The following STAR variants were observed in gnomAD, a reference collection of about 807,000 sequenced individuals.
The protein encoded by STAR is steroidogenic acute regulatory protein.
In STAR, 32 loss-of-function variants were observed where a neutral mutation model predicts 32.3. The observed-to-expected ratio is 0.99, with a 90% CI of 0.75 to 1.33. The LOEUF is 1.33. Among genes scored for constraint, STAR ranks in the 40% most tolerant of loss-of-function variants. The probability of loss-of-function intolerance (pLI) is 0.00; values close to 1 mark genes in which losing one functional copy is unlikely to be tolerated. For synonymous variants in STAR, 134 were observed against 140.5 expected, an observed-to-expected ratio of 0.95 and a Z score of 0.33; for missense variants, 375 against 379.0, an observed-to-expected ratio of 0.99 and a Z score of 0.09.
chr8:38,150,543 C>T (rs968625659), intron 1 of STAR, among the ~76,000 whole-genome samples: 2 of 151,846 alleles, frequency 1.3e-5, no homozygotes, highest in Non-Finnish European at 2.9e-5. Context: ...GATTGGAGTC[C>T]TGGAGGGGAG....
chr8:38,144,391 A>G lies in STAR; in HGVS notation c.745-5T>C. On this transcript the variant is annotated splice_polypyrimidine_tract_variant and splice_region_variant and intron_variant, in intron 6 of 6. Transcript: ENST00000276449. ...GATGCTCTTGGGCAGCCACCCCTGC[A>G]GTAGGAGGTAGGAGAATTTGGCCAT... The G allele has an allele frequency of 6.3e-7, 1 of 1,583,436 alleles. No individual in the cohort carries two copies. Among genetic ancestry groups the G allele is most frequent in the Non-Finnish European group, 8.6e-7 (1 of 1,164,564 alleles).
At chr8:38,148,051 C>A (rs190158342) in intron 3 of STAR, 149 bp downstream of exon 3, 1 of 1,016,720 alleles carries the variant, frequency 9.8e-7, no homozygotes, top group Non-Finnish European at 1.4e-6. Context: ...AGGATATATT[C>A]TCGAGAAAGG....
At chr8:38,145,008 C>T (rs1193015184) in intron 6 of STAR, 19 of 1,126,274 alleles carry the variant, frequency 1.7e-5, no homozygotes, top group South Asian at 5.1e-5. Flanking sequence ...AACTGAGTCT[C>T]GAAAAAAAAA....
At chr8:38,144,634 T>TA in intron 6 of STAR, 1 of 1,320,940 alleles carries the variant, frequency 7.6e-7, no homozygotes, top group Admixed American at 3.1e-5. Context: ...CTGAACCAGT[T>TA]ATGTTGCCTT....
chr8:38,149,149 C>T lies in STAR; in HGVS notation c.65-395G>A, dbSNP rs561625887. ...GTGTGTCTGCACGAGTCTGTGCTTGCATGAGGTCTGTGTGCTTGCCAGAAT... is the reference window on the plus strand; with the variant it reads ...GTGTGTCTGCACGAGTCTGTGCTTGTATGAGGTCTGTGTGCTTGCCAGAAT... On this transcript the variant is annotated intron_variant, in intron 1 of 6. Transcript: ENST00000276449. The T allele has an allele frequency of 1.3e-3, 352 of 267,856 alleles. 1 individual carries two copies. The highest frequency in any genetic ancestry group is 2.6e-3 in the Admixed American group (53 of 20,344). 16.6% of individuals were successfully genotyped at this position (267,856 alleles called of 1,614,324 possible).
intron 1 of STAR, among the ~76,000 whole-genome samples, chr8:38,149,819 A>G (rs907729025): frequency 6.6e-6 from 1 of 152,186 alleles, no homozygotes; most frequent in African/African-American, 2.4e-5. Flanking sequence ...AGCCTAGGCA[A>G]CAGAGCGAGA....
chr8:38,146,060 C>A lies in STAR; in HGVS notation c.553G>T (p.Val185Leu), dbSNP rs1802565815. ...AGNLVGPRDF[V>L]SVRCAKRRGS... ...CGGCGCTTGGCACAGCGCACGCTCA[C>A]AAAGTCACGGGGCCCCACCAGGTTT... The change falls in exon 5 of 7, where the codon GTG becomes TTG. Residue 185 changes from valine (V) to leucine (L), a missense_variant. Coordinates refer to ENST00000276449, the MANE Select transcript of STAR (RefSeq NM_000349.3). 1 of 1,614,252 alleles carries A rather than the reference C, an allele frequency of 6.2e-7. No homozygotes were observed.
In STAR at chr8:38,147,780, G is replaced by T. The variant is rs1024202948; in HGVS notation, c.306+420C>A. The stretch of plus-strand genomic sequence containing the variant: ...ACCCCAGAAGGCCATGGACCACTCT[G>T]TGTTCTAGTCCAGGCCTGTTGTAGG... On this transcript the variant is annotated intron_variant, in intron 3 of 6. Transcript: ENST00000276449. Among the ~76,000 whole-genome samples, 8 of 152,358 alleles carry T rather than the reference G, an allele frequency of 5.3e-5. No homozygotes were observed. In the South Asian group the frequency reaches 1.2e-3, roughly 24 times the overall value.
chr8:38,144,502 G>C, intron 6 of STAR, 116 bp from the exon 7 acceptor site: 1 of 1,522,936 alleles, frequency 6.6e-7, no homozygotes, highest in Non-Finnish European at 8.8e-7. Context: ...GTTAATAGGT[G>C]CAGCCTTGGA....
chr8:38,150,477 G>T (rs916231453), intron 1 of STAR, among the ~76,000 whole-genome samples: 1 of 151,208 alleles, frequency 6.6e-6, no homozygotes, highest in African/African-American at 2.4e-5. Context: ...AGAAAGGAAA[G>T]GAAGGAGGGA....
intron 3 of STAR, among the ~76,000 whole-genome samples, chr8:38,147,014 G>A (rs955550241): frequency 1.3e-5 from 2 of 149,182 alleles, no homozygotes; most frequent in Non-Finnish European, 3.0e-5. Context: ...TTTTGAGACC[G>A]TCTCACTCTG....
intron 5 of STAR, 64 bp from the exon 6 acceptor site, chr8:38,145,379 C>T (rs1019336251): frequency 2.5e-6 from 4 of 1,605,302 alleles, no homozygotes; most frequent in South Asian, 2.2e-5. Context: ...TGGCTGCTTA[C>T]ACCAGTACCA....
In STAR at chr8:38,146,035, C is replaced by G. The variant is rs774079499; in HGVS notation, c.578G>C (p.Arg193Pro). 1.9e-6 allele frequency: 3 copies of G among 1,614,230 alleles called. No individual in the cohort carries two copies. The South Asian group carries it at 3.3e-5, about 18-fold the overall frequency. ...DFVSVRCAKR[R>P]GSTCVLAGMA... ...GCCAGCCAGCACACAGGTGGAGCCT[C>G]GGCGCTTGGCACAGCGCACGCTCAC... Residue 193 changes from arginine to proline, a missense_variant, in exon 5 of 7, where the codon CGA becomes CCA. Transcript: ENST00000276449.
intron 6 of STAR, 29 bp downstream of exon 6, chr8:38,145,193 C>T (rs751635114): frequency 6.2e-7 from 1 of 1,613,900 alleles, no homozygotes; most frequent in Non-Finnish European, 8.5e-7. Flanking sequence ...TACCACCTGC[C>T]TTCCAGGTCC....
rs776997908 is a variant in STAR at position 38,148,659 on chromosome 8, G to A, written c.160C>T (p.Arg54Trp). 2.2e-5 allele frequency: 36 copies of A among 1,613,938 alleles called. No individual in the cohort carries two copies. The highest frequency in any genetic ancestry group is 1.6e-4 in the Middle Eastern group (1 of 6,084). The change falls in exon 2 of 7, where the codon CGG (arginine) becomes TGG (tryptophan). Residue 54 changes from arginine (R) to tryptophan (W), a missense_variant. Arg to Trp is a moderately radical substitution (Grantham distance 101). Transcript: ENST00000276449. ...CACTTACCGAGTAGAGAGCTCCGCC[G>A]CCGAACCTGGTTAATCCACGTGCTA... ...TPSTWINQVR[R>W]RSSLLGSRLE...
Position 38,146,286 on chromosome 8 carries a change from C to T in STAR, c.465+3G>A, listed in dbSNP as rs1320788400. The T allele has an allele frequency of 6.2e-7, 1 of 1,614,080 alleles. No individual in the cohort carries two copies. On this transcript the variant is annotated splice_donor_region_variant and intron_variant, in intron 4 of 6. Coordinates refer to ENST00000276449, the MANE Select transcript of STAR (RefSeq NM_000349.3). ...CTGCCACCTGCACCTGGACTTTGCT[C>T]ACCTTGATCTCCTTGACATTGGGGT...
rs144981691 is a variant in STAR at position 38,144,310 on chromosome 8, C to T, written c.821G>A (p.Arg274His). The change falls in exon 7 of 7, where the codon CGC becomes CAC. Residue 274 changes from arginine (R) to histidine (H), a missense_variant. Arg to His is a conservative substitution (Grantham distance 29). Transcript: ENST00000276449. ...TTCAGAGGCAGGGTGGGACTCCAGG[C>T]GCTTGCGCAGGTGGTTGGCAAAATC... ...QVDFANHLRK[R>H]LESHPASEAR... 340 of 1,609,902 alleles carry T rather than the reference C, an allele frequency of 2.1e-4. 1 individual carries two copies. Among genetic ancestry groups the T allele is most frequent in the Non-Finnish European group, 2.6e-4 (307 of 1,178,310 alleles).
In STAR at chr8:38,143,526, C is replaced by G. The variant is rs1802504374; in HGVS notation, c.*747G>C. 1 of 152,520 alleles carries G rather than the reference C, an allele frequency of 6.6e-6. No homozygotes were observed. Among genetic ancestry groups the G allele is most frequent in the African/African-American group, 2.4e-5 (1 of 41,406 alleles). 9.4% of individuals were successfully genotyped at this position (152,520 alleles called of 1,614,324 possible). A position where few individuals can be genotyped will look rare whatever the true frequency, so the allele number is the denominator to read the frequency against. ...TTCACCATGTTGGCCAGGATGGTCT[C>G]GATCTCCTGACCTTGTGATCCGCCT... On this transcript the variant is annotated 3_prime_UTR_variant, in exon 7 of 7. Coordinates refer to ENST00000276449, the MANE Select transcript of STAR (RefSeq NM_000349.3).
At chr8:38,148,022 G>T (rs1345999454) in intron 3 of STAR, among the ~76,000 whole-genome samples, 178 bp downstream of exon 3, 1 of 152,250 alleles carries the variant, frequency 6.6e-6, no homozygotes, top group Non-Finnish European at 1.5e-5. Context: ...TGTCTTTTAT[G>T]GGGGAAGAGC....
Sources: allele counts gnomAD v4.1 joint callset (sites outside exome capture counted in the v4.1 genomes callset), GRCh38; gene constraint gnomAD v4.1.1; transcripts MANE v1.5; gene names NCBI Gene and HGNC (gene_info 2026-07-23, HGNC 2026-07-21).